S1PR1: variants seen among roughly 807,000 people sequenced by gnomAD.
S1PR1 encodes the protein sphingosine-1-phosphate receptor 1, also known as sphingosine 1-phosphate receptor 1.
A neutral mutation model predicts 18.3 loss-of-function variants in S1PR1; 2 were observed. The observed-to-expected ratio is 0.11, with a 90% confidence interval of 0.04 to 0.34. S1PR1 has a LOEUF of 0.34. Ranked by LOEUF, S1PR1 falls within the 10% of genes least tolerant of loss-of-function variation. S1PR1 has a pLI of 1.00. For synonymous variants in S1PR1, 222 were observed against 211.2 expected (o/e 1.05, Z -0.44); for missense variants, 335 against 493.8 (o/e 0.68, Z 3.05).
chr1:101,239,099 G>A lies in S1PR1; in HGVS notation c.115G>A (p.Ala39Thr), dbSNP rs140298731. Residue 39 changes from alanine to threonine, a missense_variant, in exon 2 of 2, where the codon GCG (alanine) becomes ACG (threonine). Transcript: ENST00000305352. The surrounding 1 kb of genome is among the most constrained non-coding windows in gnomAD (Gnocchi z 6.3). Reference sequence around the variant, plus strand: ...CTACACGGGAAAGCTGAATATCAGCGCGGACAAGGAGAACAGCATTAAACT... The same window carrying A: ...CTACACGGGAAAGCTGAATATCAGCACGGACAAGGAGAACAGCATTAAACT... ...YNYTGKLNIS[A>T]DKENSIKLTS... 11 of 1,614,118 alleles carry A rather than the reference G, an allele frequency of 6.8e-6. No individual in the cohort carries two copies. In the African/African-American group the frequency reaches 1.3e-4, roughly 20 times the overall value.
chr1:101,238,267 T>A (rs1205776101), intron 1 of S1PR1: 1 of 151,472 alleles, frequency 6.6e-6, no homozygotes, highest in Non-Finnish European at 1.5e-5. Context: ...GCTAGTATCT[T>A]TGAACTGGGG....
Position 101,240,402 on chromosome 1 carries a change from C to G in S1PR1, c.*269C>G. 1.9e-6 allele frequency: 1 copy of G among 532,616 alleles called. No homozygotes were observed. The allele number at this position is 532,616 out of a possible 1,614,324, so 33.0% of individuals were successfully genotyped here. On this transcript the variant is annotated 3_prime_UTR_variant, in exon 2 of 2. Transcript: ENST00000305352. ...CCTGGAGCTTTGATTTTGCACTGAG[C>G]CAAAGGTCTAGCATTGTCAAGCTCC...
At position 101,240,627 on chromosome 1, in the gene S1PR1, T is replaced by C. The variant is rs1229968766; in HGVS notation, c.*494T>C. 1.2e-4 allele frequency: 22 copies of C among 186,666 alleles called. No homozygotes were observed. The allele number at this position is 186,666 out of a possible 1,614,324, so 11.6% of individuals were successfully genotyped here. The stretch of plus-strand genomic sequence containing the variant: ...TTCATACCCCTCCTCAACGTTCTTT[T>C]ACTTTATACTTTAACTACCTGAGAG... On this transcript the variant is annotated 3_prime_UTR_variant, in exon 2 of 2. Coordinates refer to ENST00000305352, the MANE Select transcript of S1PR1 (RefSeq NM_001400.5).
At chr1:101,236,982 C>T (rs1652705600), upstream of S1PR1, 2 of 149,108 alleles carry the variant, frequency 1.3e-5, no homozygotes, top group Admixed American at 6.6e-5. Flanking sequence ...GGGAGGGGAC[C>T]CCGACTCGAG....
chr1:101,239,572 G>A lies in S1PR1; in HGVS notation c.588G>A (p.Pro196=), dbSNP rs762665616. 1.2e-6 allele frequency: 2 copies of A among 1,613,888 alleles called. No individual in the cohort carries two copies. The highest frequency in any genetic ancestry group is 2.2e-5 in the South Asian group (2 of 91,076). Residue 196 remains proline (P), a synonymous_variant, in exon 2 of 2, where the codon CCG becomes CCA. Coordinates refer to ENST00000305352, the MANE Select transcript of S1PR1 (RefSeq NM_001400.5). The surrounding 1 kb of genome is among the most constrained non-coding windows in gnomAD (Gnocchi z 6.3). Reference sequence around the variant, plus strand: ...TGTCCAGCTGCTCCACCGTGCTGCCGCTCTACCACAAGCACTATATCCTCT... The same window carrying A: ...TGTCCAGCTGCTCCACCGTGCTGCCACTCTACCACAAGCACTATATCCTCT... ...SALSSCSTVL[P]LYHKHYILFC...
rs199684647 is a variant in S1PR1, at chr1:101,239,293, C to T, written c.309C>T (p.Leu103=). The part of the protein sequence containing the change: ...LAGVAYTANL[L]LSGATTYKLT... Reference sequence around the variant, plus strand: ...GAGTAGCCTACACAGCTAACCTGCTCTTGTCTGGGGCCACCACCTACAAGC... The same window carrying T: ...GAGTAGCCTACACAGCTAACCTGCTTTTGTCTGGGGCCACCACCTACAAGC... Residue 103 remains leucine, a synonymous_variant, in exon 2 of 2, where the codon CTC becomes CTT. Coordinates refer to ENST00000305352, the MANE Select transcript of S1PR1 (RefSeq NM_001400.5). This position sits in a 1 kb window ranked among gnomAD's most constrained non-coding sequence, Gnocchi z 6.3. The T allele has an allele frequency of 5.6e-6, 9 of 1,614,050 alleles. No individual in the cohort carries two copies. Among genetic ancestry groups the T allele is most frequent in the Middle Eastern group, 1.6e-4 (1 of 6,084 alleles).
chr1:101,238,497 T>C (rs1652780087), intron 1 of S1PR1, among the ~76,000 whole-genome samples: 2 of 150,344 alleles, frequency 1.3e-5, no homozygotes, highest in South Asian at 4.2e-4. Flanking sequence ...GGTTTCCCAT[T>C]CCTCCCACTC....
chr1:101,237,494 T>C (rs1278189073), intron 1 of S1PR1, among the ~76,000 whole-genome samples: 4 of 152,172 alleles, frequency 2.6e-5, no homozygotes, highest in African/African-American at 7.2e-5. Context: ...ATAAAATTAG[T>C]TGGGGGAAAA....
rs1016740700 is a variant in S1PR1 at position 101,240,082 on chromosome 1, G to A, written c.1098G>A (p.Gly366=). ...DNSSHPQKDE[G]DNPETIMSSG... is the part of the protein sequence containing the mutation. ...CCTCCCACCCCCAGAAAGACGAAGGGGACAACCCAGAGACCATTATGTCTT... is the reference window on the plus strand; with the variant it reads ...CCTCCCACCCCCAGAAAGACGAAGGAGACAACCCAGAGACCATTATGTCTT... Residue 366 remains glycine (G), a synonymous_variant, in exon 2 of 2, where the codon GGG becomes GGA. Coordinates refer to ENST00000305352, the MANE Select transcript of S1PR1 (RefSeq NM_001400.5). The A allele has an allele frequency of 6.2e-7, 1 of 1,613,260 alleles. No homozygotes were observed. The highest frequency in any genetic ancestry group is 8.5e-7 in the Non-Finnish European group (1 of 1,180,028).
intron 1 of S1PR1, among the ~76,000 whole-genome samples, chr1:101,237,700 G>T (rs956602550): frequency 3.3e-4 from 51 of 152,328 alleles, no homozygotes; most frequent in Admixed American, 9.1e-4. Flanking sequence ...GAGTCAACGT[G>T]TTGGGGGACT....
Position 101,239,100 on chromosome 1 carries a change from C to T in S1PR1, c.116C>T (p.Ala39Val). ...TACACGGGAAAGCTGAATATCAGCG[C>T]GGACAAGGAGAACAGCATTAAACTG... Reference protein sequence around the residue: ...YNYTGKLNISADKENSIKLTS... With the variant: ...YNYTGKLNISVDKENSIKLTS... The change falls in exon 2 of 2, where the codon GCG becomes GTG. Residue 39 changes from alanine (A) to valine (V), a missense_variant. Physicochemically the swap from Ala to Val is moderately conservative, Grantham distance 64. This residue lies in a region of S1PR1 where 214 missense variants were observed against 366.6 expected (regional missense o/e 0.58). Coordinates refer to ENST00000305352, the MANE Select transcript of S1PR1 (RefSeq NM_001400.5). This position sits in a 1 kb window ranked among gnomAD's most constrained non-coding sequence, Gnocchi z 6.3. 1 of 1,614,238 alleles carries T rather than the reference C, an allele frequency of 6.2e-7. No homozygotes were observed. Among genetic ancestry groups the T allele is most frequent in the South Asian group, 1.1e-5 (1 of 91,074 alleles).
intron 1 of S1PR1, 141 bp from the exon 2 acceptor site, chr1:101,238,681 A>T (rs1652787138): frequency 5.9e-6 from 2 of 338,012 alleles, no homozygotes; most frequent in African/African-American, 2.1e-5. Flanking sequence ...GATTTTTAAA[A>T]AAAATCTCTC....
chr1:101,239,575 C>G lies in S1PR1; in HGVS notation c.591C>G (p.Leu197=). ...ALSSCSTVLP[L]YHKHYILFCT... ...CCAGCTGCTCCACCGTGCTGCCGCT[C>G]TACCACAAGCACTATATCCTCTTCT... Residue 197 remains leucine (L), a synonymous_variant, in exon 2 of 2, where the codon CTC becomes CTG. Transcript: ENST00000305352. This position sits in a 1 kb window ranked among gnomAD's most constrained non-coding sequence, Gnocchi z 6.3. 6.2e-7 allele frequency: 1 copy of G among 1,614,068 alleles called. No homozygotes were observed. The highest frequency in any genetic ancestry group is 8.5e-7 in the Non-Finnish European group (1 of 1,180,038).
chr1:101,237,488 A>C (rs1411018), intron 1 of S1PR1, among the ~76,000 whole-genome samples: 152,207 of 152,358 alleles, frequency 1, 76,029 homozygotes, highest in Middle Eastern at 1. Flanking sequence ...CAGGGTATAA[A>C]ATTAGTTGGG....
chr1:101,238,775 A>G (rs1557707325), intron 1 of S1PR1, 47 bp from the exon 2 acceptor site: 2 of 590,658 alleles, frequency 3.4e-6, no homozygotes, highest in Non-Finnish European at 6.0e-6. Flanking sequence ...GAATTATGCC[A>G]GTATGCTGTG....
In S1PR1 at chr1:101,239,692, G is replaced by C; in HGVS notation, c.708G>C (p.Thr236=). ...TCAGGACTCGGAGCCGCCGCCTGACGTTCCGCAAGAACATTTCCAAGGCCA... is the reference window on the plus strand; with the variant it reads ...TCAGGACTCGGAGCCGCCGCCTGACCTTCCGCAAGAACATTTCCAAGGCCA... ...SLVRTRSRRL[T]FRKNISKASR... Residue 236 remains threonine, a synonymous_variant, in exon 2 of 2, where the codon ACG becomes ACC. Coordinates refer to ENST00000305352, the MANE Select transcript of S1PR1 (RefSeq NM_001400.5). This position sits in a 1 kb window ranked among gnomAD's most constrained non-coding sequence, Gnocchi z 6.3. 1 of 1,613,984 alleles carries C rather than the reference G, an allele frequency of 6.2e-7. No individual in the cohort carries two copies. Among genetic ancestry groups the C allele is most frequent in the African/African-American group, 1.3e-5 (1 of 75,012 alleles).
upstream of S1PR1, chr1:101,236,978 G>A (rs1652705529): frequency 6.7e-6 from 1 of 149,638 alleles, no homozygotes; most frequent in Non-Finnish European, 1.5e-5. Flanking sequence ...CGGAGGGAGG[G>A]GACCCCGACT....
intron 1 of S1PR1, among the ~76,000 whole-genome samples, chr1:101,237,409 C>A (rs1652745729): frequency 6.6e-6 from 1 of 152,102 alleles, no homozygotes; most frequent in East Asian, 1.9e-4. Context: ...TTTTGGAAAT[C>A]CTATAGACAA....
Position 101,239,607 on chromosome 1 carries a change from C to T in S1PR1, c.623C>T (p.Thr208Met), listed in dbSNP as rs1267170701. 2 of 1,614,002 alleles carry T rather than the reference C, an allele frequency of 1.2e-6. No homozygotes were observed. The highest frequency in any genetic ancestry group is 1.7e-6 in the Non-Finnish European group (2 of 1,180,026). Residue 208 changes from threonine to methionine, a missense_variant, in exon 2 of 2, where the codon ACG (threonine) becomes ATG (methionine). Thr to Met is a moderately conservative substitution (Grantham distance 81). This residue lies in a region of S1PR1 where 214 missense variants were observed against 366.6 expected (regional missense o/e 0.58). Coordinates refer to ENST00000305352, the MANE Select transcript of S1PR1 (RefSeq NM_001400.5). This position sits in a 1 kb window ranked among gnomAD's most constrained non-coding sequence, Gnocchi z 6.3. ...YHKHYILFCT[T>M]VFTLLLLSIV... The stretch of plus-strand genomic sequence containing the variant: ...AAGCACTATATCCTCTTCTGCACCA[C>T]GGTCTTCACTCTGCTTCTGCTCTCC...
Sources: gnomAD v4.1 joint callset for allele counts (sites outside exome capture counted in the v4.1 genomes callset) on GRCh38, gnomAD v4.1.1 for gene constraint, gnomAD v4.1.1 regional missense constraint, Gnocchi (gnomAD v3.1) non-coding constraint, MANE v1.5 for transcripts, NCBI Gene and HGNC (gene_info 2026-07-23, HGNC 2026-07-21) for gene names.